Variants in EYS observed in about 807,000 individuals in gnomAD.
The protein encoded by EYS is protein eyes shut homolog.
A neutral mutation model predicts 282.1 loss-of-function variants in EYS; 250 were observed. The observed-to-expected ratio is 0.89, with a 90% confidence interval of 0.80 to 0.98. The LOEUF is 0.98. Among genes scored for constraint, EYS ranks in the 50% least tolerant of loss-of-function variants. The pLI is 0.00. For missense variants in EYS, 4,016 were observed against 3,709.0 expected (o/e 1.08, Z -2.15); for synonymous variants, 1,355 against 1,282.9 (o/e 1.06, Z -1.20).
At chr6:63,760,799 A>G (rs1042925472) in intron 41 of EYS, among the ~76,000 whole-genome samples, 5 of 151,844 alleles carry the variant, frequency 3.3e-5, no homozygotes, top group African/African-American at 7.3e-5. Context: ...GGGTTAATCT[A>G]TCTTTCAAAC....
At chr6:63,936,359 C>T (rs553810511) in intron 35 of EYS, among the ~76,000 whole-genome samples, 3 of 152,194 alleles carry the variant, frequency 2.0e-5, no homozygotes, top group Non-Finnish European at 4.4e-5. Flanking sequence ...GGAATCTCTG[C>T]TAGCCTGATA....
At position 65,431,448 on chromosome 6, in the gene EYS, C is replaced by A. The variant is rs190728172; in HGVS notation, c.863-26081G>T. Among the ~76,000 whole-genome samples the A allele has an allele frequency of 4.1e-4, 63 of 151,996 alleles. 1 individual carries two copies. The highest frequency in any genetic ancestry group is 2.9e-3 in the Admixed American group (45 of 15,266). On this transcript the variant is annotated intron_variant, in intron 5 of 42. Coordinates refer to ENST00000503581, the MANE Select transcript of EYS (RefSeq NM_001142800.2). ...TTTCCTTTGGTGGATACTACCAGAT[C>A]CCAGGAAGTCAACTAATATGTATAT...
intron 26 of EYS, among the ~76,000 whole-genome samples, chr6:64,444,802 G>A (rs1775066466): frequency 6.6e-6 from 1 of 152,182 alleles, no homozygotes; most frequent in South Asian, 2.1e-4. Flanking sequence ...ACAGTAATGA[G>A]TGAGTTCTCA....
chr6:64,393,240 C>A (rs1261901815), intron 28 of EYS, among the ~76,000 whole-genome samples: 1 of 152,108 alleles, frequency 6.6e-6, no homozygotes, highest in Admixed American at 6.5e-5. Context: ...GAAACCATTC[C>A]AATCAATAGA....
chr6:65,587,388 G>A (rs536518183), intron 2 of EYS, among the ~76,000 whole-genome samples: 23 of 152,160 alleles, frequency 1.5e-4, no homozygotes, highest in South Asian at 4.1e-4. Flanking sequence ...TAATTGAATC[G>A]TGGGGGCCAT....
intron 7 of EYS, among the ~76,000 whole-genome samples, chr6:65,397,948 T>A (rs576090309): frequency 6.6e-6 from 1 of 152,208 alleles, no homozygotes; most frequent in South Asian, 2.1e-4. Flanking sequence ...TAATAACCAT[T>A]CTGACTGGTG....
At chr6:65,244,685 T>C (rs1767136548) in intron 12 of EYS, among the ~76,000 whole-genome samples, 1 of 91,858 alleles carries the variant, frequency 1.1e-5, no homozygotes, top group Admixed American at 9.9e-5. Flanking sequence ...GGTAATTTTT[T>C]GTATTTTTTT....
intron 29 of EYS, among the ~76,000 whole-genome samples, chr6:64,348,991 A>G (rs623279): frequency 0.75 from 114,001 of 151,244 alleles, 43,589 homozygotes; most frequent in African/African-American, 0.89. Context: ...ATGGATCATC[A>G]CATAACCATA....
chr6:63,980,126 ACT>A (rs1767019751), intron 35 of EYS, among the ~76,000 whole-genome samples: 1 of 151,634 alleles, frequency 6.6e-6, no homozygotes, highest in African/African-American at 2.4e-5. Context: ...TGGCACTGAA[ACT>A]CTGTTCATTC....
At chr6:65,558,201 C>A (rs1275293705) in intron 2 of EYS, among the ~76,000 whole-genome samples, 1 of 152,242 alleles carries the variant, frequency 6.6e-6, no homozygotes, top group African/African-American at 2.4e-5. Flanking sequence ...TGCCAAGGGG[C>A]AACTGCAGGC....
chr6:64,923,111 T>C (rs1768402907), intron 15 of EYS, among the ~76,000 whole-genome samples: 1 of 151,966 alleles, frequency 6.6e-6, no homozygotes, highest in Non-Finnish European at 1.5e-5. Flanking sequence ...GCTGTATTAG[T>C]CTGTTTTCAC....
intron 35 of EYS, among the ~76,000 whole-genome samples, chr6:63,877,797 T>C (rs10944130): frequency 0.48 from 73,492 of 152,046 alleles, 18,776 homozygotes; most frequent in African/African-American, 0.63. Flanking sequence ...ACGTAGTTCT[T>C]GTGCCATGGT....
intron 16 of EYS, among the ~76,000 whole-genome samples, chr6:64,907,094 C>G (rs1472493479): frequency 6.6e-6 from 1 of 152,072 alleles, no homozygotes; most frequent in Non-Finnish European, 1.5e-5. Flanking sequence ...GCTCTGTTGC[C>G]TAAGCTGAAA....
chr6:64,753,388 A>T (rs979951663), intron 22 of EYS, among the ~76,000 whole-genome samples: 4 of 152,166 alleles, frequency 2.6e-5, no homozygotes, highest in African/African-American at 9.6e-5. Context: ...TAGCTGATAA[A>T]GACATTTTCA....
intron 12 of EYS, among the ~76,000 whole-genome samples, chr6:65,191,049 A>G (rs1765630580): frequency 6.6e-6 from 1 of 151,836 alleles, no homozygotes; most frequent in South Asian, 2.1e-4. Flanking sequence ...AAAATTCTTC[A>G]TGAATGTGAA....
intron 28 of EYS, among the ~76,000 whole-genome samples, chr6:64,421,230 C>T (rs543565277): frequency 1.2e-4 from 18 of 152,132 alleles, no homozygotes; most frequent in South Asian, 6.2e-4. Flanking sequence ...AGGAGAAGAA[C>T]GAGAGCAGTG....
At chr6:64,575,640 T>C (rs896073637) in intron 26 of EYS, among the ~76,000 whole-genome samples, 2 of 152,114 alleles carry the variant, frequency 1.3e-5, no homozygotes, top group South Asian at 4.1e-4. Flanking sequence ...GGCAAGAATG[T>C]GACCATGTTT....
At chr6:64,464,715 A>G (rs575699033) in intron 26 of EYS, among the ~76,000 whole-genome samples, 1 of 152,176 alleles carries the variant, frequency 6.6e-6, no homozygotes, top group Admixed American at 6.5e-5. Context: ...TTCTGTTATA[A>G]AGAGAACAGA....
At chr6:64,490,839 A>G (rs1022411522) in intron 26 of EYS, among the ~76,000 whole-genome samples, 1 of 150,912 alleles carries the variant, frequency 6.6e-6, no homozygotes, top group African/African-American at 2.4e-5. Context: ...TAAAACTTCT[A>G]TATAAAGCAT....
Sources: gnomAD v4.1 joint callset for allele counts (sites outside exome capture counted in the v4.1 genomes callset) on GRCh38, gnomAD v4.1.1 for gene constraint, MANE v1.5 for transcripts, NCBI Gene and HGNC (gene_info 2026-07-23, HGNC 2026-07-21) for gene names.